The following ADGRD1 variants were observed in gnomAD, a reference collection of about 807,000 sequenced individuals.
The protein encoded by ADGRD1 is G-protein coupled receptor 133.
Under a neutral mutation model 113.4 loss-of-function variants are expected in ADGRD1, and 77 were observed. The observed-to-expected ratio is 0.68, with a 90% CI of 0.57 to 0.82. The LOEUF (loss-of-function observed/expected upper bound fraction) is 0.82. Among genes scored for constraint, ADGRD1 ranks in the 40% least tolerant of loss-of-function variants. The pLI is 0.00. For synonymous variants in ADGRD1, 474 were observed against 475.0 expected (o/e 1.00, Z 0.03); for missense variants, 1,036 against 1,139.1 (o/e 0.91, Z 1.30).
chr12:131,094,894 A>T lies in ADGRD1; in HGVS notation c.1672-9937A>T, dbSNP rs535765248. Among the ~76,000 whole-genome samples the T allele has an allele frequency of 1.2e-4, 19 of 152,176 alleles. 2 individuals are homozygous for T. The South Asian group carries it at 3.5e-3, about 28-fold the overall frequency. ...TGCTGAGAGCTGGGCTGGGGATGGGAGCTGGGAGCTCACCCGGGGGAGGCG... is the reference window on the plus strand; with the variant it reads ...TGCTGAGAGCTGGGCTGGGGATGGGTGCTGGGAGCTCACCCGGGGGAGGCG... On this transcript the variant is annotated intron_variant, in intron 15 of 24. Transcript: ENST00000261654.
At chr12:131,120,365 G>A (rs1193865002) in intron 19 of ADGRD1, among the ~76,000 whole-genome samples, 1 of 152,114 alleles carries the variant, frequency 6.6e-6, no homozygotes, top group African/African-American at 2.4e-5. Context: ...CTCCTCTCAG[G>A]ACATCAGAGC....
chr12:131,018,253 A>G (rs1878874262), intron 13 of ADGRD1, among the ~76,000 whole-genome samples: 1 of 152,084 alleles, frequency 6.6e-6, no homozygotes, highest in Admixed American at 6.5e-5. Flanking sequence ...AGTAAACTGA[A>G]TCACAGCCAC....
rs1201766195 is a variant in ADGRD1, at chr12:130,954,538, TC to T, written c.66+11del. ...ATTTTATTACAACTTTCAGGTAATGTCCCCAAGTGGCCAGGATGGCGACAGG... is the reference window on the plus strand; with the variant it reads ...ATTTTATTACAACTTTCAGGTAATGTCCCAAGTGGCCAGGATGGCGACAGG... On this transcript the variant is annotated splice_region_variant and intron_variant, in intron 1 of 24. Transcript: ENST00000261654. The surrounding 1 kb of genome is among the most constrained non-coding windows in gnomAD (Gnocchi z 4.7). The T allele has an allele frequency of 6.2e-7, 1 of 1,612,576 alleles. No homozygotes were observed. Among genetic ancestry groups the T allele is most frequent in the East Asian group, 2.2e-5 (1 of 44,778 alleles).
rs192163686 is a variant in ADGRD1, at chr12:131,031,108, G to A, written c.1473+16768G>A. Among the ~76,000 whole-genome samples, 14 of 152,330 alleles carry A rather than the reference G, an allele frequency of 9.2e-5. No individual in the cohort carries two copies. In the East Asian group the frequency reaches 2.5e-3, roughly 27 times the overall value. On this transcript the variant is annotated intron_variant, in intron 13 of 24. Transcript: ENST00000261654. ...AACTCACCACACTGGGCCCCGGGGA[G>A]CCAGGGGCTGGGCGGTCTCAACTCT...
chr12:131,069,834 C>T (rs1885013910), intron 13 of ADGRD1: 1 of 152,134 alleles, frequency 6.6e-6, no homozygotes, highest in Non-Finnish European at 1.5e-5. Flanking sequence ...CCTAATGAGA[C>T]AACTGTATAA....
intron 15 of ADGRD1, among the ~76,000 whole-genome samples, chr12:131,087,294 C>T (rs1886535764): frequency 6.6e-6 from 1 of 152,198 alleles, no homozygotes. Context: ...TAGGAGGGGG[C>T]ACCATTCACC....
At position 131,017,734 on chromosome 12, in the gene ADGRD1, G is replaced by C. The variant is rs535205529; in HGVS notation, c.1473+3394G>C. ...CTCACACACCCAGTACACATACCCA[G>C]CACAGACACACCCAGTGCACACATA... On this transcript the variant is annotated intron_variant, in intron 13 of 24. Transcript: ENST00000261654. 6.0e-4 allele frequency among the ~76,000 whole-genome samples: 84 copies of C among 140,552 alleles called. 2 individuals carry two copies. The highest frequency in any genetic ancestry group is 2.1e-3 in the African/African-American group (77 of 36,692). 92.2% of individuals were successfully genotyped at this position (140,552 alleles called of 152,430 possible).
intron 13 of ADGRD1, among the ~76,000 whole-genome samples, chr12:131,040,873 A>G (rs1421709101): frequency 6.6e-6 from 1 of 152,244 alleles, no homozygotes; most frequent in Non-Finnish European, 1.5e-5. Flanking sequence ...TTCAGTTTCA[A>G]GACAGTGGCC....
At chr12:131,111,384 G>T (rs1423881243) in intron 18 of ADGRD1, among the ~76,000 whole-genome samples, 3 of 152,196 alleles carry the variant, frequency 2.0e-5, no homozygotes, top group African/African-American at 7.2e-5. Flanking sequence ...GAGCCACCAT[G>T]CCTGGCCCAC....
intron 15 of ADGRD1, among the ~76,000 whole-genome samples, chr12:131,092,270 A>G (rs1263114771): frequency 1.3e-5 from 2 of 152,196 alleles, no homozygotes; most frequent in African/African-American, 4.8e-5. Context: ...TGCTGAAGCC[A>G]CACACCCAAT....
chr12:131,117,731 G>C (rs560859485), intron 18 of ADGRD1, among the ~76,000 whole-genome samples: 1 of 152,202 alleles, frequency 6.6e-6, no homozygotes, highest in Non-Finnish European at 1.5e-5. Flanking sequence ...AGTGTGATAG[G>C]TTCCCTAAGG....
intron 10 of ADGRD1, 94 bp from the exon 11 acceptor site, chr12:131,004,092 T>G: frequency 1.4e-6 from 1 of 727,454 alleles, no homozygotes. Context: ...GCTTGTCCTG[T>G]CAAAAAAGAA....
In ADGRD1 at chr12:131,141,398, G is replaced by A. The variant is rs1951242226; in HGVS notation, c.*2135G>A. On this transcript the variant is annotated 3_prime_UTR_variant, in exon 25 of 25. Transcript: ENST00000261654. ...ATGAAATGTTTAGTTTATAGTAGAA[G>A]AAAGATGATGACACTAAGTTGTGAA... 1.3e-5 allele frequency: 2 copies of A among 152,250 alleles called. No individual in the cohort carries two copies. Among genetic ancestry groups the A allele is most frequent in the Admixed American group, 1.3e-4 (2 of 15,292 alleles). 9.4% of individuals were successfully genotyped at this position (152,250 alleles called of 1,614,324 possible).
At chr12:131,029,355 C>T (rs906764496) in intron 13 of ADGRD1, among the ~76,000 whole-genome samples, 2 of 152,222 alleles carry the variant, frequency 1.3e-5, no homozygotes, top group Non-Finnish European at 2.9e-5. Context: ...CTGTCAAGAT[C>T]CTTGGGATCA....
At chr12:131,098,033 G>A (rs1291510011) in intron 15 of ADGRD1, among the ~76,000 whole-genome samples, 5 of 150,142 alleles carry the variant, frequency 3.3e-5, no homozygotes, top group African/African-American at 7.3e-5. Context: ...ACCCTCCCCT[G>A]CACCCCCGCG....
At chr12:131,014,697 A>G (rs894865058) in intron 13 of ADGRD1, among the ~76,000 whole-genome samples, 1 of 152,270 alleles carries the variant, frequency 6.6e-6, no homozygotes, top group African/African-American at 2.4e-5. Flanking sequence ...ATTAGCCATC[A>G]GCAAGATGCA....
At chr12:131,130,619 C>T (rs972872306) in intron 20 of ADGRD1, among the ~76,000 whole-genome samples, 9 of 152,228 alleles carry the variant, frequency 5.9e-5, no homozygotes, top group Admixed American at 5.2e-4. Flanking sequence ...GGCTTCAAGG[C>T]CCCTAGGGTG....
At chr12:131,125,961 C>T (rs1950728940) in intron 20 of ADGRD1, among the ~76,000 whole-genome samples, 1 of 152,206 alleles carries the variant, frequency 6.6e-6, no homozygotes, top group African/African-American at 2.4e-5. Context: ...ACATGTCTTG[C>T]TTTCACACCA....
intron 8 of ADGRD1, among the ~76,000 whole-genome samples, chr12:130,996,173 ACTT>A (rs1875296869): frequency 6.7e-6 from 1 of 149,596 alleles, no homozygotes; most frequent in African/African-American, 2.5e-5. Flanking sequence ...TCCCATGTCT[ACTT>A]CTTTCTACAC....
Sources: allele counts gnomAD v4.1 joint callset (sites outside exome capture counted in the v4.1 genomes callset), GRCh38; gene constraint gnomAD v4.1.1; non-coding constraint Gnocchi (gnomAD v3.1); transcripts MANE v1.5; gene names NCBI Gene and HGNC (gene_info 2026-07-23, HGNC 2026-07-21).